SYNE1: variants seen among roughly 807,000 people sequenced by gnomAD.
SYNE1 encodes nesprin-1.
A neutral mutation model predicts 1,111.0 loss-of-function variants in SYNE1; 616 were observed. That is an observed-to-expected ratio of 0.55 (90% CI 0.52 to 0.59). The LOEUF (loss-of-function observed/expected upper bound fraction) is 0.59, where lower values mean the gene tolerates loss of function less well. Ranked by LOEUF, SYNE1 falls within the 20% of genes least tolerant of loss-of-function variation. The probability of loss-of-function intolerance (pLI) is 0.00; values close to 1 mark genes in which losing one functional copy is unlikely to be tolerated. For missense variants in SYNE1, 10,006 were observed against 10,417.0 expected, an observed-to-expected ratio of 0.96 and a Z score of 1.72; for synonymous variants, 3,855 against 3,825.8, an observed-to-expected ratio of 1.01 and a Z score of -0.28.
At chr6:152,339,829 C>T (rs1590479124) in intron 74 of SYNE1, among the ~76,000 whole-genome samples, 1 of 152,174 alleles carries the variant, frequency 6.6e-6, no homozygotes, top group East Asian at 1.9e-4. Context: ...GCAGGAGATT[C>T]ATCTTGTATT....
chr6:152,299,688 T>C (rs1589567210), intron 93 of SYNE1, among the ~76,000 whole-genome samples: 1 of 122,926 alleles, frequency 8.1e-6, no homozygotes, highest in African/African-American at 3.1e-5. Context: ...TTGATGTTCC[T>C]TTTTTTTTTT....
chr6:152,484,971 G>T lies in SYNE1; in HGVS notation c.1049C>A (p.Ser350Ter). ...VESNLQDKYQ[S>*]FKHFRVQYEM... is the part of the protein sequence containing the mutation. ...ATATTGAACTCTGAAGTGCTTAAATGACTAAAAGAGGAAAAACAGCAACAG... is the reference window on the plus strand; with the variant it reads ...ATATTGAACTCTGAAGTGCTTAAATTACTAAAAGAGGAAAAACAGCAACAG... Residue 350 changes from serine (S) to a stop codon, truncating the protein, a stop_gained and splice_region_variant, in exon 13 of 146, where the codon TCA (serine) becomes TAA (stop). Coordinates refer to ENST00000367255, the MANE Select transcript of SYNE1 (RefSeq NM_182961.4). LOFTEE classifies it high-confidence loss of function. The T allele has an allele frequency of 6.2e-7, 1 of 1,610,754 alleles. No individual in the cohort carries two copies. The highest frequency in any genetic ancestry group is 1.1e-5 in the South Asian group (1 of 90,788).
intron 4 of SYNE1, among the ~76,000 whole-genome samples, chr6:152,531,915 A>G (rs894777586): frequency 3.3e-5 from 5 of 152,198 alleles, no homozygotes; most frequent in African/African-American, 1.2e-4. Context: ...GGGCATCTGC[A>G]TTGTTTCCAT....
chr6:152,262,778 T>G (rs1426214186), intron 100 of SYNE1, among the ~76,000 whole-genome samples: 1 of 146,320 alleles, frequency 6.8e-6, no homozygotes, highest in African/African-American at 2.6e-5. Context: ...CATGGAGGTA[T>G]AGTAACAGGG....
intron 14 of SYNE1, among the ~76,000 whole-genome samples, chr6:152,479,304 A>T (rs1224993254): frequency 6.6e-6 from 1 of 152,194 alleles, no homozygotes; most frequent in Non-Finnish European, 1.5e-5. Context: ...AATCTTCAAG[A>T]AAGGAAGGCA....
At position 152,310,866 on chromosome 6, in the gene SYNE1, A is replaced by G; in HGVS notation, c.16718T>C (p.Leu5573Pro). The change falls in exon 88 of 146, where the codon CTA becomes CCA. Residue 5573 changes from leucine (L) to proline (P), a missense_variant. Leu to Pro is a moderately conservative substitution (Grantham distance 98, BLOSUM62 -3). Coordinates refer to ENST00000367255, the MANE Select transcript of SYNE1 (RefSeq NM_182961.4). ...ACTGTCAATTTCTTTGGATTCTTCTAGCAGGGTCTAGAGTGAATTGTCAAT... is the reference window on the plus strand; with the variant it reads ...ACTGTCAATTTCTTTGGATTCTTCTGGCAGGGTCTAGAGTGAATTGTCAAT... ...REQYILHQTL[L>P]EESKEIDSEL... 6.2e-7 allele frequency: 1 copy of G among 1,613,734 alleles called. No individual in the cohort carries two copies. The highest frequency in any genetic ancestry group is 8.5e-7 in the Non-Finnish European group (1 of 1,179,922).
At position 152,380,737 on chromosome 6, in the gene SYNE1, C is replaced by T. The variant is rs1164646797; in HGVS notation, c.9009+269G>A. ...GAATGGCTGAATACAGTATTACAGA[C>T]TCTTACACCATAGGAATGAAAGTAA... is the stretch of plus-strand genomic sequence containing the variant. On this transcript the variant is annotated intron_variant, in intron 56 of 145. Transcript: ENST00000367255. 1.1e-5 allele frequency: 5 copies of T among 460,726 alleles called. No individual in the cohort carries two copies. The East Asian group carries it at 2.3e-4, about 21-fold the overall frequency. The allele number at this position is 460,726 out of a possible 1,614,324, so 28.5% of individuals were successfully genotyped here.
At chr6:152,444,703 G>T in intron 29 of SYNE1, 125 bp from the exon 30 acceptor site, 1 of 836,468 alleles carries the variant, frequency 1.2e-6, no homozygotes, top group Non-Finnish European at 1.8e-6. Context: ...CTACGTGACT[G>T]TGAAATGATT....
At chr6:152,535,280 G>C (rs906327531) in intron 4 of SYNE1, among the ~76,000 whole-genome samples, 1 of 152,186 alleles carries the variant, frequency 6.6e-6, no homozygotes, top group African/African-American at 2.4e-5. Flanking sequence ...CCAGTATGTG[G>C]TACTTTGTTA....
At chr6:152,207,675 T>G (rs573856432) in intron 125 of SYNE1, among the ~76,000 whole-genome samples, 1 of 152,222 alleles carries the variant, frequency 6.6e-6, no homozygotes, top group East Asian at 1.9e-4. Flanking sequence ...GCAAGCAACA[T>G]GAAGTTTTTC....
intron 77 of SYNE1, 28 bp from the exon 78 acceptor site, chr6:152,331,918 CA>C: frequency 1.2e-6 from 2 of 1,605,892 alleles, no homozygotes; most frequent in Middle Eastern, 1.7e-4. Flanking sequence ...GGTATAAGAG[CA>C]AATTAGCTGT....
intron 3 of SYNE1, among the ~76,000 whole-genome samples, chr6:152,606,976 CTCTTTTTTTT>C (rs1352431928): frequency 1.8e-5 from 2 of 109,102 alleles, no homozygotes; most frequent in South Asian, 3.2e-4. Flanking sequence ...TGCCTCGGTT[CTCTTTTTTTT>C]TTTTTTTTTT....
rs552134252 is a variant in SYNE1, at chr6:152,308,786, T to C, written c.17203-154A>G. On this transcript the variant is annotated intron_variant, in intron 90 of 145. Transcript: ENST00000367255. ...CCTAGATGGTTTGAATTCCTCACTT[T>C]ATGTAGATATTTCAGAACTTTCTCT... Among the ~76,000 whole-genome samples the C allele has an allele frequency of 2.0e-5, 3 of 152,314 alleles. No homozygotes were observed. The East Asian group carries it at 5.8e-4, about 29-fold the overall frequency.
chr6:152,252,284 T>A (rs1243720042), intron 104 of SYNE1, among the ~76,000 whole-genome samples: 2 of 133,372 alleles, frequency 1.5e-5, no homozygotes, highest in African/African-American at 2.8e-5. Context: ...ATAAATAAAT[T>A]AAATAAATAA....
intron 95 of SYNE1, among the ~76,000 whole-genome samples, chr6:152,287,598 A>G (rs902502719): frequency 6.6e-6 from 1 of 152,138 alleles, no homozygotes; most frequent in African/African-American, 2.4e-5. Flanking sequence ...CTCGTGCTGG[A>G]GTCAGTGGCA....
At chr6:152,155,799 A>G in intron 132 of SYNE1, 111 bp downstream of exon 132, 2 of 1,329,396 alleles carry the variant, frequency 1.5e-6, no homozygotes, top group Non-Finnish European at 2.1e-6. Flanking sequence ...AGCCACAGCT[A>G]TTTTTGGACA....
chr6:152,477,310 G>A (rs2098840622), intron 14 of SYNE1, among the ~76,000 whole-genome samples: 1 of 152,176 alleles, frequency 6.6e-6, no homozygotes, highest in African/African-American at 2.4e-5. Flanking sequence ...ATGGGAAAGG[G>A]GAAGGGGAGT....
At chr6:152,203,744 T>G (rs1022537284) in intron 126 of SYNE1, among the ~76,000 whole-genome samples, 1 of 152,190 alleles carries the variant, frequency 6.6e-6, no homozygotes, top group African/African-American at 2.4e-5. Context: ...AAAACTGAAC[T>G]GAGAATTTGG....
Position 152,220,971 on chromosome 6 carries a change from G to A in SYNE1, c.21732C>T (p.Tyr7244=). The change falls in exon 119 of 146, where the codon TAC becomes TAT. Residue 7244 remains tyrosine, a synonymous_variant. Transcript: ENST00000367255. The part of the protein sequence containing the change: ...SKALLQLWQR[Y]KDYSKQCAST... ...AAGCACACTGTTTGGAGTAGTCCTT[G>A]TATCTTTGCCAAAGCTGAAGTAGGG... 1.9e-6 allele frequency: 3 copies of A among 1,614,166 alleles called. No individual in the cohort carries two copies. Among genetic ancestry groups the A allele is most frequent in the South Asian group, 1.1e-5 (1 of 91,080 alleles).
Sources: allele counts gnomAD v4.1 joint callset (sites outside exome capture counted in the v4.1 genomes callset), GRCh38; gene constraint gnomAD v4.1.1; transcripts MANE v1.5; gene names NCBI Gene and HGNC (gene_info 2026-07-23, HGNC 2026-07-21).